NLRP11: variants seen among roughly 807,000 people sequenced by gnomAD.
NLRP11 encodes the protein NACHT, LRR and PYD domains-containing protein 11.
In NLRP11, 53 loss-of-function variants were observed where a neutral mutation model predicts 79.3. The observed-to-expected ratio is 0.67, with a 90% CI of 0.54 to 0.84. The LOEUF (loss-of-function observed/expected upper bound fraction) is 0.84, where lower values mean the gene tolerates loss of function less well. Ranked by LOEUF, NLRP11 falls within the 40% of genes least tolerant of loss-of-function variation. The probability of loss-of-function intolerance (pLI) is 0.00; values close to 1 mark genes in which losing one functional copy is unlikely to be tolerated. For synonymous variants in NLRP11, 518 were observed against 462.6 expected, an observed-to-expected ratio of 1.12 and a Z score of -1.54; for missense variants, 1,264 against 1,255.0, an observed-to-expected ratio of 1.01 and a Z score of -0.11.
Position 55,809,956 on chromosome 19 carries a change from C to A in NLRP11, c.654G>T (p.Leu218=). ...TGAAAAGGAGTTTCTTGGGATCAGA[C>A]AGGATGTCTGCAATGGGAGCCTGGC... is the stretch of plus-strand genomic sequence containing the variant. The change falls in exon 3 of 10, where the codon CTG becomes CTT. Residue 218 remains leucine, a synonymous_variant. Transcript: ENST00000589093. The surrounding 1 kb of genome is among the most constrained non-coding windows in gnomAD (Gnocchi z 4.5). 1 of 1,614,204 alleles carries A rather than the reference C, an allele frequency of 6.2e-7. No individual in the cohort carries two copies. Among genetic ancestry groups the A allele is most frequent in the Non-Finnish European group, 8.5e-7 (1 of 1,180,038 alleles).
intron 5 of NLRP11, among the ~76,000 whole-genome samples, chr19:55,796,905 T>C (rs1600178735): frequency 6.6e-6 from 1 of 152,100 alleles, no homozygotes; most frequent in African/African-American, 2.4e-5. Context: ...GCCAGGCTGG[T>C]CTTGAACTCC....
chr19:55,787,751 A>C (rs1438969992), intron 9 of NLRP11, among the ~76,000 whole-genome samples: 1 of 152,158 alleles, frequency 6.6e-6, no homozygotes, highest in African/African-American at 2.4e-5. Flanking sequence ...AAAACCTGAC[A>C]AACAGTTGCT....
chr19:55,789,145 T>C (rs1600171362), intron 8 of NLRP11, 84 bp downstream of exon 8: 3 of 1,447,854 alleles, frequency 2.1e-6, no homozygotes, highest in East Asian at 4.5e-5. Flanking sequence ...TCCGAGGTAT[T>C]GTATTTCCCA....
Position 55,805,533 on chromosome 19 carries a change from G to GT in NLRP11, c.2003+2319dup, listed in dbSNP as rs1386838698. Among the ~76,000 whole-genome samples the GT allele has an allele frequency of 3.1e-3, 414 of 132,346 alleles. 2 individuals carry two copies. The highest frequency in any genetic ancestry group is 0.014 in the African/African-American group (379 of 27,622). 86.8% of individuals were successfully genotyped at this position (132,346 alleles called of 152,430 possible). A position where few individuals can be genotyped will look rare whatever the true frequency, so the allele number is the denominator to read the frequency against. On this transcript the variant is annotated intron_variant, in intron 4 of 9. Transcript: ENST00000589093. ...CCATGTTGCAACAAAACTGTTTAAG[G>GT]TTTTGTTTTTTTTTTTAAATACACA... is the stretch of plus-strand genomic sequence containing the variant.
At chr19:55,819,211 C>A (rs1981449565) in intron 1 of NLRP11, among the ~76,000 whole-genome samples, 1 of 150,416 alleles carries the variant, frequency 6.6e-6, no homozygotes, top group African/African-American at 2.4e-5. Context: ...CAATTCTACC[C>A]CACCTCTGCA....
chr19:55,798,806 C>A (rs1979197443), intron 5 of NLRP11, among the ~76,000 whole-genome samples: 1 of 151,904 alleles, frequency 6.6e-6, no homozygotes, highest in African/African-American at 2.4e-5. Context: ...TGAAAGTTGC[C>A]CTTCTACACT....
chr19:55,805,456 A>C (rs935898894), intron 4 of NLRP11, among the ~76,000 whole-genome samples: 11 of 151,922 alleles, frequency 7.2e-5, no homozygotes, highest in African/African-American at 2.7e-4. Flanking sequence ...TTTACCTAGC[A>C]ATTCTCCTGA....
At chr19:55,829,450 G>A (rs1159408800) in intron 1 of NLRP11, among the ~76,000 whole-genome samples, 4 of 151,952 alleles carry the variant, frequency 2.6e-5, no homozygotes, top group Non-Finnish European at 4.4e-5. Flanking sequence ...AGATCACGAG[G>A]TCAGGAGATC....
exon 10 of NLRP11, chr19:55,785,718 T>C (rs1989836041): frequency 6.2e-7 from 1 of 1,613,852 alleles, no homozygotes. Flanking sequence ...TAGAATTAGG[T>C]ATTATTGAAC....
chr19:55,809,726 C>T lies in NLRP11; in HGVS notation c.884G>A (p.Cys295Tyr), dbSNP rs1219691008. 3 of 1,614,058 alleles carry T rather than the reference C, an allele frequency of 1.9e-6. No individual in the cohort carries two copies. The highest frequency in any genetic ancestry group is 2.2e-5 in the East Asian group (1 of 44,898). Residue 295 changes from cysteine (C) to tyrosine (Y), a missense_variant, in exon 3 of 10, where the codon TGC becomes TAC. By Grantham distance (194) the Cys-to-Tyr change is radical. Transcript: ENST00000589093. This position sits in a 1 kb window ranked among gnomAD's most constrained non-coding sequence, Gnocchi z 4.5. ...CCCATTCGACAGCTGCAAGGTCGTGCAGCAATCTACCTCTTTCAAGAACGT... is the reference window on the plus strand; with the variant it reads ...CCCATTCGACAGCTGCAAGGTCGTGTAGCAATCTACCTCTTTCAAGAACGT...
chr19:55,802,937 T>C (rs299173), intron 4 of NLRP11, among the ~76,000 whole-genome samples: 65,757 of 152,036 alleles, frequency 0.43, 14,294 homozygotes, highest in Non-Finnish European at 0.46. Context: ...TTTCAATAAA[T>C]GGTGCTGGGG....
intron 5 of NLRP11, chr19:55,801,287 G>A: frequency 3.1e-6 from 1 of 321,404 alleles, no homozygotes. Flanking sequence ...AGTGTTTTAG[G>A]GTTTGACCAG....
chr19:55,794,326 A>ATTTTTTCATCTC (rs1327347940), intron 6 of NLRP11, among the ~76,000 whole-genome samples: 2 of 152,204 alleles, frequency 1.3e-5, no homozygotes, highest in African/African-American at 2.4e-5. Flanking sequence ...AGATGAAAAA[A>ATTTTTTCATCTC]ATATCTATTT....
At chr19:55,799,160 G>C (rs529358740) in intron 5 of NLRP11, among the ~76,000 whole-genome samples, 1 of 152,270 alleles carries the variant, frequency 6.6e-6, no homozygotes, top group South Asian at 2.1e-4. Flanking sequence ...CCAGCTACTT[G>C]GGAGGGTGAG....
intron 6 of NLRP11, among the ~76,000 whole-genome samples, chr19:55,794,627 G>A (rs1347133798): frequency 6.6e-6 from 1 of 152,142 alleles, no homozygotes; most frequent in African/African-American, 2.4e-5. Context: ...AGGCGTGGTG[G>A]CGGGTGCCTG....
chr19:55,807,842 A>T lies in NLRP11; in HGVS notation c.2003+11T>A. The T allele has an allele frequency of 6.3e-7, 1 of 1,590,146 alleles. No homozygotes were observed. Among genetic ancestry groups the T allele is most frequent in the Non-Finnish European group, 8.6e-7 (1 of 1,162,534 alleles). ...GGGAACCTCTAAGGCAGAGGTTGAT[A>T]TAGTACTTACTTGAGTGTGCGAAGT... On this transcript the variant is annotated intron_variant, in intron 4 of 9. Transcript: ENST00000589093.
chr19:55,793,136 T>C (rs1413502620), intron 6 of NLRP11, among the ~76,000 whole-genome samples: 3 of 152,224 alleles, frequency 2.0e-5, no homozygotes, highest in Admixed American at 6.5e-5. Context: ...TGCCTTGGCC[T>C]CCCAAAGTGC....
chr19:55,796,772 T>TC (rs1243276236), intron 5 of NLRP11, among the ~76,000 whole-genome samples: 12 of 151,368 alleles, frequency 7.9e-5, no homozygotes, highest in Non-Finnish European at 1.8e-4. Flanking sequence ...CTGCAACCTC[T>TC]GCCTCCCGGG....
intron 1 of NLRP11, among the ~76,000 whole-genome samples, chr19:55,822,760 C>G (rs1222019676): frequency 6.6e-6 from 1 of 152,078 alleles, no homozygotes; most frequent in Non-Finnish European, 1.5e-5. Context: ...TCGGAGGGTC[C>G]TATGCCCACG....
Sources: allele counts gnomAD v4.1 joint callset (sites outside exome capture counted in the v4.1 genomes callset), GRCh38; gene constraint gnomAD v4.1.1; non-coding constraint Gnocchi (gnomAD v3.1); transcripts MANE v1.5; gene names NCBI Gene and HGNC (gene_info 2026-07-23, HGNC 2026-07-21).